Variants in VAMP2 observed in about 807,000 individuals in gnomAD.
VAMP2 encodes vesicle-associated membrane protein 2.
For synonymous variants in VAMP2, 67 were observed against 57.3 expected, an observed-to-expected ratio of 1.17 and a Z score of -0.76; for missense variants, 95 against 151.3, an observed-to-expected ratio of 0.63 and a Z score of 1.95.
rs71159553 is a variant in VAMP2, at chr17:8,160,380, GTTTTTTTTTTTTT to G, written c.*462_*474del. ...TAAGGAAGCCTGGACAGGTGCTGTT[GTTTTTTTTTTTTT>G]TTTTTTTTTTTTGAGGGCGGGGCAG... On this transcript the variant is annotated 3_prime_UTR_variant, in exon 5 of 5. Coordinates refer to ENST00000316509, the MANE Select transcript of VAMP2 (RefSeq NM_014232.3). 1 of 35,108 alleles carries G rather than the reference GTTTTTTTTTTTTT, an allele frequency of 2.8e-5. No homozygotes were observed. The highest frequency in any genetic ancestry group is 5.0e-5 in the Non-Finnish European group (1 of 20,096). The allele number at this position is 35,108 out of a possible 1,614,324, so 2.2% of individuals were successfully genotyped here. A position where few individuals can be genotyped will look rare whatever the true frequency, so the allele number is the denominator to read the frequency against.
intron 4 of VAMP2, 168 bp downstream of exon 4, chr17:8,161,305 G>A (rs1253680235): frequency 1.0e-6 from 1 of 1,001,122 alleles, no homozygotes; most frequent in Admixed American, 2.8e-5. Context: ...GCAAAATGCA[G>A]GCTAAATAAC....
chr17:8,161,217 G>A, intron 4 of VAMP2: 1 of 590,466 alleles, frequency 1.7e-6, no homozygotes, highest in Non-Finnish European at 2.9e-6. Flanking sequence ...CTCAGACTGG[G>A]CTCTTAGGCC....
chr17:8,161,207 C>A (rs2151865233), intron 4 of VAMP2: 1 of 584,466 alleles, frequency 1.7e-6, no homozygotes, highest in South Asian at 2.2e-5. Flanking sequence ...TTCCAGGGTT[C>A]TCAGACTGGG....
Position 8,161,465 on chromosome 17 carries a change from C to T in VAMP2, c.334+8G>A, listed in dbSNP as rs1296898227. On this transcript the variant is annotated splice_region_variant and intron_variant, in intron 4 of 4. Transcript: ENST00000316509. ...GGAAAGGGCCCCGGCCATTCTCACC[C>T]TACTCACCTATGATGATGATGAGGA... The T allele has an allele frequency of 1.2e-6, 2 of 1,614,062 alleles. No homozygotes were observed. The highest frequency in any genetic ancestry group is 1.3e-5 in the African/African-American group (1 of 75,040).
chr17:8,161,459 C>G lies in VAMP2; in HGVS notation c.334+14G>C. On this transcript the variant is annotated intron_variant, in intron 4 of 4. Coordinates refer to ENST00000316509, the MANE Select transcript of VAMP2 (RefSeq NM_014232.3). The stretch of plus-strand genomic sequence containing the variant: ...CTCCAGGGAAAGGGCCCCGGCCATT[C>G]TCACCCTACTCACCTATGATGATGA... The G allele has an allele frequency of 6.2e-7, 1 of 1,614,012 alleles. No individual in the cohort carries two copies. Among genetic ancestry groups the G allele is most frequent in the Non-Finnish European group, 8.5e-7 (1 of 1,179,944 alleles).
In VAMP2 at chr17:8,161,696, T is replaced by C. The variant is rs1332206794; in HGVS notation, c.194A>G (p.Asp65Gly). 1.2e-6 allele frequency: 2 copies of C among 1,614,062 alleles called. No individual in the cohort carries two copies. ...CCCCGCCTGGAGTGCATCTGCACGG[T>C]CGTCCAGCTCCGACAGCTTCTGGTC... Reference protein sequence around the residue: ...ERDQKLSELDDRADALQAGAS... With the variant: ...ERDQKLSELDGRADALQAGAS... The change falls in exon 3 of 5, where the codon GAC (aspartate) becomes GGC (glycine). Residue 65 changes from aspartate (D) to glycine (G), a missense_variant. Physicochemically the swap from Asp to Gly is moderately conservative, Grantham distance 94. Coordinates refer to ENST00000316509, the MANE Select transcript of VAMP2 (RefSeq NM_014232.3).
At chr17:8,161,203 G>A in intron 4 of VAMP2, 3 of 575,666 alleles carry the variant, frequency 5.2e-6, no homozygotes, top group Non-Finnish European at 9.1e-6. Context: ...TCAATTCCAG[G>A]GTTCTCAGAC....
Position 8,160,766 on chromosome 17 carries a change from G to GC in VAMP2, c.*88_*89insG. 6.8e-7 allele frequency: 1 copy of GC among 1,478,852 alleles called. No individual in the cohort carries two copies. Among genetic ancestry groups the GC allele is most frequent in the Non-Finnish European group, 9.2e-7 (1 of 1,081,738 alleles). The allele number at this position is 1,478,852 out of a possible 1,614,324, so 91.6% of individuals were successfully genotyped here. A position where few individuals can be genotyped will look rare whatever the true frequency, so the allele number is the denominator to read the frequency against. ...CACACACACACGGATCCAGGGGAGT[G>GC]GGGGCTGAAAGATATGGCTGAGAGG... On this transcript the variant is annotated 3_prime_UTR_variant, in exon 5 of 5. Transcript: ENST00000316509.
chr17:8,162,382 G>A lies in VAMP2; in HGVS notation c.3-13C>T, dbSNP rs763796773. The A allele has an allele frequency of 6.2e-7, 1 of 1,610,862 alleles. No homozygotes were observed. The highest frequency in any genetic ancestry group is 8.5e-7 in the Non-Finnish European group (1 of 1,179,002). ...AGCGGTAGCAGACCTGAGGAGCAGG[G>A]ACGGATTAAGACCCAGGGCCTGCAG... On this transcript the variant is annotated splice_polypyrimidine_tract_variant and intron_variant, in intron 1 of 4. Transcript: ENST00000316509.
chr17:8,159,201 G>T lies in VAMP2; in HGVS notation c.*1654C>A, dbSNP rs1051498. Reference sequence around the variant, plus strand: ...ATTTTCACAATCTGGATGCGCCACAGAATTGGGGGCATGGGGTGGGGGAAG... The same window carrying T: ...ATTTTCACAATCTGGATGCGCCACATAATTGGGGGCATGGGGTGGGGGAAG... On this transcript the variant is annotated 3_prime_UTR_variant, in exon 5 of 5. Coordinates refer to ENST00000316509, the MANE Select transcript of VAMP2 (RefSeq NM_014232.3). 1 of 140,064 alleles carries T rather than the reference G, an allele frequency of 7.1e-6. No homozygotes were observed. The highest frequency in any genetic ancestry group is 7.2e-5 in the Admixed American group (1 of 13,870). 8.7% of individuals were successfully genotyped at this position (140,064 alleles called of 1,614,324 possible). A position where few individuals can be genotyped will look rare whatever the true frequency, so the allele number is the denominator to read the frequency against.
chr17:8,159,160 TAC>T lies in VAMP2; in HGVS notation c.*1693_*1694del, dbSNP rs1983212197. The T allele has an allele frequency of 6.9e-6, 1 of 144,658 alleles. No homozygotes were observed. The highest frequency in any genetic ancestry group is 1.5e-5 in the Non-Finnish European group (1 of 66,090). 9.0% of individuals were successfully genotyped at this position (144,658 alleles called of 1,614,324 possible). ...TCTTAGACAACACCTGGTTACTCAT[TAC>T]ACATTTATTGTACATTTTCACAATC... On this transcript the variant is annotated 3_prime_UTR_variant, in exon 5 of 5. Transcript: ENST00000316509.
At chr17:8,162,685 T>C in intron 1 of VAMP2, 193 bp downstream of exon 1, 1 of 1,325,054 alleles carries the variant, frequency 7.5e-7, no homozygotes, top group Non-Finnish European at 9.6e-7. Flanking sequence ...GTCCGCTCCT[T>C]CCCGCGGCCA....
At chr17:8,162,658 G>A (rs1983353099) in intron 1 of VAMP2, 2 of 1,390,170 alleles carry the variant, frequency 1.4e-6, no homozygotes. Flanking sequence ...GGGCGGGGAG[G>A]GGCAGGAGGA....
rs924375009 is a variant in VAMP2, at chr17:8,162,304, G to A, written c.68C>T (p.Pro23Leu). Residue 23 changes from proline (P) to leucine (L), a missense_variant, in exon 2 of 5, where the codon CCT (proline) becomes CTT (leucine). Coordinates refer to ENST00000316509, the MANE Select transcript of VAMP2 (RefSeq NM_014232.3). Reference sequence around the variant, plus strand: ...TCTCCTGTTACTGGTGAGGTTTGGAGGGGGTGCAGGGGGACCACCCTCCCC... The same window carrying A: ...TCTCCTGTTACTGGTGAGGTTTGGAAGGGGTGCAGGGGGACCACCCTCCCC... The part of the protein sequence containing the change: ...PAGEGGPPAP[P>L]PNLTSNRRLQ... 1.9e-6 allele frequency: 3 copies of A among 1,594,996 alleles called. No homozygotes were observed. Among genetic ancestry groups the A allele is most frequent in the Admixed American group, 1.8e-5 (1 of 54,058 alleles).
In VAMP2 at chr17:8,162,947, C is replaced by T; in HGVS notation, c.-68G>A. 8.4e-7 allele frequency: 1 copy of T among 1,196,656 alleles called. No homozygotes were observed. The highest frequency in any genetic ancestry group is 1.0e-6 in the Non-Finnish European group (1 of 965,402). 74.1% of individuals were successfully genotyped at this position (1,196,656 alleles called of 1,614,324 possible). On this transcript the variant is annotated 5_prime_UTR_variant, in exon 1 of 5. Transcript: ENST00000316509. ...CGGCGGCGGCTCGCGCTGGCTCCGA[C>T]TGGCGCTGGCTGCCCGGGACGGAAA...
At chr17:8,162,155 G>T (rs1003707866) in intron 2 of VAMP2, 94 bp downstream of exon 2, 1 of 1,477,716 alleles carries the variant, frequency 6.8e-7, no homozygotes, top group South Asian at 1.4e-5. Flanking sequence ...CCACAGGCGT[G>T]AACTGTCATC....
At chr17:8,160,894 TGAG>T in intron 4 of VAMP2, 23 bp from the exon 5 acceptor site, 6 of 1,594,870 alleles carry the variant, frequency 3.8e-6, no homozygotes, top group Non-Finnish European at 5.1e-6. Flanking sequence ...GGGAAGAAGA[TGAG>T]GAAGAGGGAG....
At chr17:8,161,845 G>A (rs1191724115) in intron 2 of VAMP2, 79 bp from the exon 3 acceptor site, 22 of 1,558,088 alleles carry the variant, frequency 1.4e-5, no homozygotes, top group East Asian at 4.5e-5. Context: ...TGTGCCCACC[G>A]TGCCACACAT....
At position 8,160,377 on chromosome 17, in the gene VAMP2, G is replaced by GTT. The variant is rs35724640; in HGVS notation, c.*476_*477dup. 7.6e-5 allele frequency: 3 copies of GTT among 39,500 alleles called. No homozygotes were observed. Among genetic ancestry groups the GTT allele is most frequent in the East Asian group, 6.1e-4 (1 of 1,632 alleles). 2.4% of individuals were successfully genotyped at this position (39,500 alleles called of 1,614,324 possible). A position where few individuals can be genotyped will look rare whatever the true frequency, so the allele number is the denominator to read the frequency against. On this transcript the variant is annotated 3_prime_UTR_variant, in exon 5 of 5. Transcript: ENST00000316509. ...ACCTAAGGAAGCCTGGACAGGTGCT[G>GTT]TTGTTTTTTTTTTTTTTTTTTTTTT...
Sources: allele counts gnomAD v4.1 joint callset, GRCh38; gene constraint gnomAD v4.1.1; transcripts MANE v1.5; gene names NCBI Gene and HGNC (gene_info 2026-07-23, HGNC 2026-07-21).